The following CBLB variants were observed in gnomAD, a reference collection of about 807,000 sequenced individuals.
CBLB encodes the protein E3 ubiquitin-protein ligase CBL-B.
CBLB carries 31 observed loss-of-function variants against 104.9 expected under a neutral mutation model. That is an observed-to-expected ratio of 0.30 (90% CI 0.22 to 0.40). The LOEUF is 0.40. Among genes scored for constraint, CBLB ranks in the 10% least tolerant of loss-of-function variants. The probability of loss-of-function intolerance (pLI) is 1.00; values close to 1 mark genes in which losing one functional copy is unlikely to be tolerated. For missense variants in CBLB, 1,062 were observed against 1,214.6 expected (o/e 0.87, Z 1.87); for synonymous variants, 440 against 422.6 (o/e 1.04, Z -0.51).
At chr3:105,835,218 T>C (rs759096416) in intron 3 of CBLB, among the ~76,000 whole-genome samples, 1 of 152,194 alleles carries the variant, frequency 6.6e-6, no homozygotes, top group Non-Finnish European at 1.5e-5. Context: ...TCCTATATCA[T>C]GAATAGTTCT....
intron 10 of CBLB, among the ~76,000 whole-genome samples, chr3:105,706,949 C>T (rs973385213): frequency 5.3e-5 from 8 of 152,086 alleles, no homozygotes; most frequent in Non-Finnish European, 1.0e-4. Flanking sequence ...TGAAACAAGA[C>T]ACAGAATTGT....
intron 3 of CBLB, among the ~76,000 whole-genome samples, chr3:105,852,474 T>C (rs1186252833): frequency 5.3e-5 from 8 of 152,208 alleles, no homozygotes; most frequent in Admixed American, 3.3e-4. Context: ...TTTGTTAAGC[T>C]AATTGTTAAT....
intron 4 of CBLB, among the ~76,000 whole-genome samples, chr3:105,759,289 G>C (rs193242271): frequency 2.0e-5 from 3 of 152,228 alleles, no homozygotes; most frequent in African/African-American, 7.2e-5. Flanking sequence ...TGTGCTGACT[G>C]GTCCAAGGGC....
intron 4 of CBLB, among the ~76,000 whole-genome samples, chr3:105,761,481 TTG>T (rs2152930676): frequency 6.6e-6 from 1 of 152,338 alleles, no homozygotes; most frequent in African/African-American, 2.4e-5. Context: ...CATTCTATTC[TTG>T]TGGTAGTAAA....
chr3:105,677,477 A>C (rs912191184), intron 17 of CBLB, among the ~76,000 whole-genome samples: 2 of 152,028 alleles, frequency 1.3e-5, no homozygotes, highest in Admixed American at 6.5e-5. Flanking sequence ...TACGTAGCTA[A>C]AGGACAAACT....
In CBLB at chr3:105,658,168, T is replaced by C. The variant is rs368251737; in HGVS notation, c.*802A>G. On this transcript the variant is annotated 3_prime_UTR_variant, in exon 19 of 19. Coordinates refer to ENST00000394030, the MANE Select transcript of CBLB (RefSeq NM_170662.5). ...CATCTGTAGTAGCTGCTTTCTAATA[T>C]TGTAGATTTTTACAGTTGTGACACC... 8.3e-5 allele frequency: 18 copies of C among 216,280 alleles called. No individual in the cohort carries two copies. Among genetic ancestry groups the C allele is most frequent in the East Asian group, 4.8e-4 (7 of 14,680 alleles). The allele number at this position is 216,280 out of a possible 1,614,324, so 13.4% of individuals were successfully genotyped here. A position where few individuals can be genotyped will look rare whatever the true frequency, so the allele number is the denominator to read the frequency against.
At chr3:105,707,566 G>A (rs185040136) in intron 10 of CBLB, among the ~76,000 whole-genome samples, 1 of 152,192 alleles carries the variant, frequency 6.6e-6, no homozygotes, top group East Asian at 1.9e-4. Context: ...TTAGTGTACT[G>A]AAGCTTTGCC....
intron 3 of CBLB, among the ~76,000 whole-genome samples, chr3:105,804,291 C>T (rs111776667): frequency 0.14 from 20,630 of 151,806 alleles, 1,657 homozygotes; most frequent in East Asian, 0.41. Flanking sequence ...GAGGCTGAGG[C>T]GGGTGGATCA....
intron 3 of CBLB, among the ~76,000 whole-genome samples, chr3:105,787,468 C>T (rs560254608): frequency 5.3e-5 from 8 of 152,106 alleles, no homozygotes; most frequent in African/African-American, 1.4e-4. Flanking sequence ...GTGGTACATA[C>T]GTTCTATGGC....
chr3:105,656,399 T>A lies in CBLB; in HGVS notation c.*2571A>T. Reference sequence around the variant, plus strand: ...CATCAACGAGCAGTCGCTTTTACAATAAAAAAAAATTTTTTTAGGTTTAAT... The same window carrying A: ...CATCAACGAGCAGTCGCTTTTACAAAAAAAAAAAATTTTTTTAGGTTTAAT... On this transcript the variant is annotated 3_prime_UTR_variant, in exon 19 of 19. Transcript: ENST00000394030. 3.1e-5 allele frequency: 6 copies of A among 195,582 alleles called. No homozygotes were observed. Among genetic ancestry groups the A allele is most frequent in the South Asian group, 1.9e-4 (1 of 5,192 alleles). 12.1% of individuals were successfully genotyped at this position (195,582 alleles called of 1,614,324 possible). A position where few individuals can be genotyped will look rare whatever the true frequency, so the allele number is the denominator to read the frequency against.
At chr3:105,720,660 T>C (rs2072676634) in intron 9 of CBLB, among the ~76,000 whole-genome samples, 1 of 152,208 alleles carries the variant, frequency 6.6e-6, no homozygotes, top group Non-Finnish European at 1.5e-5. Context: ...TAAAAATTCA[T>C]AATAAAGCAG....
intron 2 of CBLB, among the ~76,000 whole-genome samples, chr3:105,857,384 C>A (rs2091720915): frequency 1.3e-5 from 2 of 152,086 alleles, no homozygotes; most frequent in South Asian, 4.1e-4. Flanking sequence ...GAACATACTT[C>A]CTGATTCAAA....
rs565895795 is a variant in CBLB, at chr3:105,730,621, G to T, written c.1203+3388C>A. On this transcript the variant is annotated intron_variant, in intron 9 of 18. Transcript: ENST00000394030. ...ATATTTACAATATGAACATAATGAG[G>T]TAAGAGCTTACAGAAACATATACAA... Among the ~76,000 whole-genome samples, 2 of 151,986 alleles carry T rather than the reference G, an allele frequency of 1.3e-5. 1 individual carries two copies. The highest frequency in any genetic ancestry group is 4.1e-4 in the South Asian group (2 of 4,828).
Position 105,741,327 on chromosome 3 carries a change from T to TACA in CBLB, c.846-699_846-697dup, listed in dbSNP as rs2075550269. ...CCTCAGCCTCCTGAGTAGCTGGGAC[T>TACA]ACAGGCGTGTGCCACGACGCCCAGC... is the stretch of plus-strand genomic sequence containing the variant. On this transcript the variant is annotated intron_variant, in intron 6 of 18. Transcript: ENST00000394030. Among the ~76,000 whole-genome samples the TACA allele has an allele frequency of 4.0e-5, 6 of 149,244 alleles. No individual in the cohort carries two copies. The South Asian group carries it at 1.3e-3, about 32-fold the overall frequency.
intron 3 of CBLB, among the ~76,000 whole-genome samples, chr3:105,845,924 T>C (rs2090184026): frequency 6.6e-6 from 1 of 152,114 alleles, no homozygotes. Context: ...CAGAAGATTT[T>C]TCAAGCTTTC....
intron 2 of CBLB, among the ~76,000 whole-genome samples, chr3:105,854,892 A>G (rs893415601): frequency 1.3e-5 from 2 of 152,066 alleles, no homozygotes; most frequent in Non-Finnish European, 2.9e-5. Context: ...CGGCCTCCCA[A>G]AGTGCTGGGA....
chr3:105,733,989 C>T lies in CBLB; in HGVS notation c.1203+20G>A. The stretch of plus-strand genomic sequence containing the variant: ...TAGTAGGACATATAAGAAAGACATC[C>T]ATGTTGCTAATGATTATACCTGCCA... On this transcript the variant is annotated intron_variant, in intron 9 of 18. Transcript: ENST00000394030. 1 of 1,610,882 alleles carries T rather than the reference C, an allele frequency of 6.2e-7. No individual in the cohort carries two copies. The highest frequency in any genetic ancestry group is 8.5e-7 in the Non-Finnish European group (1 of 1,177,134).
At chr3:105,806,206 A>G (rs972533166) in intron 3 of CBLB, among the ~76,000 whole-genome samples, 12 of 152,198 alleles carry the variant, frequency 7.9e-5, no homozygotes, top group African/African-American at 2.9e-4. Flanking sequence ...AAAAACTCAG[A>G]AATTCAGAGA....
At chr3:105,677,669 AT>A (rs575063858) in intron 17 of CBLB, among the ~76,000 whole-genome samples, 1 of 150,478 alleles carries the variant, frequency 6.6e-6, no homozygotes. Flanking sequence ...TCCATATAAC[AT>A]TTTTTTTTCT....
Sources: gnomAD v4.1 joint callset for allele counts (sites outside exome capture counted in the v4.1 genomes callset) on GRCh38, gnomAD v4.1.1 for gene constraint, MANE v1.5 for transcripts, NCBI Gene and HGNC (gene_info 2026-07-23, HGNC 2026-07-21) for gene names.